The following SORBS2 variants were observed in gnomAD, a reference collection of about 807,000 sequenced individuals.
The protein encoded by SORBS2 is sorbin and SH3 domain containing 2.
SORBS2 carries 46 observed loss-of-function variants against 97.7 expected under a neutral mutation model. The observed-to-expected ratio is 0.47, with a 90% CI of 0.37 to 0.60. The LOEUF is 0.60. SORBS2 is among the 20% of genes least tolerant of loss of function. SORBS2 has a pLI of 0.00. For missense variants in SORBS2, 1,316 were observed against 1,282.3 expected (o/e 1.03, Z -0.40); for synonymous variants, 476 against 473.4 (o/e 1.01, Z -0.07).
At chr4:185,654,154 C>T (rs926078950) in intron 1 of SORBS2, among the ~76,000 whole-genome samples, 1 of 152,156 alleles carries the variant, frequency 6.6e-6, no homozygotes, top group Non-Finnish European at 1.5e-5. Context: ...TCTTCATTCT[C>T]GGCTCTTTCT....
At chr4:185,664,385 A>G (rs574060109) in intron 4 of SORBS2, among the ~76,000 whole-genome samples, 14 of 152,324 alleles carry the variant, frequency 9.2e-5, no homozygotes, top group Admixed American at 7.8e-4. Context: ...GTAAAGTCTT[A>G]AAAACAGAAA....
intron 1 of SORBS2, among the ~76,000 whole-genome samples, chr4:185,839,058 C>T (rs534689432): frequency 1.3e-5 from 2 of 152,290 alleles, no homozygotes; most frequent in South Asian, 4.1e-4. Context: ...CAACACTGCA[C>T]GATGTTATTT....
intron 4 of SORBS2, among the ~76,000 whole-genome samples, chr4:185,667,698 A>ATAT (rs1554139968): frequency 6.8e-5 from 10 of 146,750 alleles, no homozygotes; most frequent in Middle Eastern, 3.6e-3. Flanking sequence ...ATATATATAT[A>ATAT]TATATATACG....
chr4:185,795,676 A>G (rs2099101491), intron 1 of SORBS2, among the ~76,000 whole-genome samples: 1 of 152,184 alleles, frequency 6.6e-6, no homozygotes, highest in Non-Finnish European at 1.5e-5. Flanking sequence ...GTTTCCTTTT[A>G]CTTTTTAAAA....
At chr4:185,609,733 CAG>C (rs1403352040) in intron 12 of SORBS2, among the ~76,000 whole-genome samples, 7 of 152,158 alleles carry the variant, frequency 4.6e-5, no homozygotes, top group African/African-American at 1.7e-4. Flanking sequence ...AATGTGTCAC[CAG>C]AGTGATTTAT....
At chr4:185,901,446 C>T (rs906823880) in intron 1 of SORBS2, among the ~76,000 whole-genome samples, 2 of 152,106 alleles carry the variant, frequency 1.3e-5, no homozygotes, top group African/African-American at 2.4e-5. Flanking sequence ...TCAGGTGATG[C>T]GCCCGCCTCG....
intron 2 of SORBS2, chr4:185,651,812 C>A: frequency 6.7e-7 from 1 of 1,499,136 alleles, no homozygotes; most frequent in Non-Finnish European, 9.3e-7. Flanking sequence ...GAGTATTATA[C>A]ATGTCTGTGT....
intron 1 of SORBS2, among the ~76,000 whole-genome samples, chr4:185,828,895 CA>C (rs2099203567): frequency 6.6e-6 from 1 of 152,174 alleles, no homozygotes; most frequent in Non-Finnish European, 1.5e-5. Context: ...TGTTCTTTTC[CA>C]GAGACTTCTC....
rs144230995 is a variant in SORBS2, at chr4:185,902,569, A to G, written c.-338+53627T>C. 3.3e-5 allele frequency among the ~76,000 whole-genome samples: 5 copies of G among 152,170 alleles called. No homozygotes were observed. The East Asian group carries it at 9.7e-4, about 29-fold the overall frequency. ...TACATGAATCTTTTGATCAGTTGTC[A>G]TCTTGGGAAGACTAACTTCAATAAT... On this transcript the variant is annotated intron_variant, in intron 1 of 20. Transcript: ENST00000284776.
chr4:185,656,934 T>C, exon 1 of SORBS2: 1 of 1,174,604 alleles, frequency 8.5e-7, no homozygotes, highest in South Asian at 2.7e-5. Context: ...ATTAACTCTC[T>C]TCACTCCAAT....
chr4:185,921,690 T>C (rs1323995650), intron 1 of SORBS2, among the ~76,000 whole-genome samples: 1 of 152,164 alleles, frequency 6.6e-6, no homozygotes, highest in African/African-American at 2.4e-5. Flanking sequence ...AAGCAATGGA[T>C]ATTTACTTTT....
chr4:185,749,203 C>G (rs34313608), intron 2 of SORBS2, among the ~76,000 whole-genome samples: 16,170 of 152,122 alleles, frequency 0.11, 1,130 homozygotes, highest in South Asian at 0.18. Flanking sequence ...GGGAGGGAGA[C>G]AGGTGCAGGG....
At chr4:185,815,128 T>TA (rs1178940540) in intron 1 of SORBS2, among the ~76,000 whole-genome samples, 1 of 152,242 alleles carries the variant, frequency 6.6e-6, no homozygotes, top group Non-Finnish European at 1.5e-5. Context: ...TATCTAGTTT[T>TA]AAAATTTTGC....
In SORBS2 at chr4:185,606,330, T is replaced by C; in HGVS notation, c.2796+5450A>G. ...GGAAGATTACAAAGACTATATCAAT[T>C]ACAAAGACTTTTACAATATAAGTTT... is the stretch of plus-strand genomic sequence containing the variant. On this transcript the variant is annotated intron_variant, in intron 12 of 14. Transcript: ENST00000418609. The surrounding 1 kb of genome is among the most constrained non-coding windows in gnomAD (Gnocchi z 4.3). 4.1e-6 allele frequency: 4 copies of C among 971,806 alleles called. No homozygotes were observed. Among genetic ancestry groups the C allele is most frequent in the Non-Finnish European group, 4.9e-6 (4 of 817,608 alleles). 60.2% of individuals were successfully genotyped at this position (971,806 alleles called of 1,614,324 possible). A position where few individuals can be genotyped will look rare whatever the true frequency, so the allele number is the denominator to read the frequency against.
intron 4 of SORBS2, among the ~76,000 whole-genome samples, chr4:185,671,099 G>T (rs1247138772): frequency 6.6e-6 from 1 of 152,126 alleles, no homozygotes; most frequent in Non-Finnish European, 1.5e-5. Context: ...TTTCCCTAAG[G>T]CCTGGCTGTA....
chr4:185,678,924 A>G (rs1189584361), intron 2 of SORBS2, 102 bp from the exon 6 acceptor site: 2 of 604,252 alleles, frequency 3.3e-6, no homozygotes, highest in African/African-American at 1.9e-5. Context: ...TTTTGCAAAC[A>G]TTATTTCAGT....
chr4:185,603,257 A>AG (rs146538242), intron 12 of SORBS2, among the ~76,000 whole-genome samples: 4,131 of 152,266 alleles, frequency 0.027, 172 homozygotes, highest in African/African-American at 0.092. Context: ...TTAAAAAAAA[A>AG]GACAAGAAAT....
chr4:185,819,572 TAGA>T (rs1025873627), intron 1 of SORBS2, among the ~76,000 whole-genome samples: 5 of 152,356 alleles, frequency 3.3e-5, no homozygotes, highest in Non-Finnish European at 7.4e-5. Context: ...AGGGAGTGGA[TAGA>T]CAACAAGCTG....
chr4:185,604,539 C>T (rs533707958), intron 12 of SORBS2, among the ~76,000 whole-genome samples: 54 of 152,220 alleles, frequency 3.5e-4, no homozygotes, highest in African/African-American at 1.1e-3. Flanking sequence ...GCTTAAATAT[C>T]GAGGAAAGAC....
Sources: allele counts gnomAD v4.1 joint callset (sites outside exome capture counted in the v4.1 genomes callset), GRCh38; gene constraint gnomAD v4.1.1; non-coding constraint Gnocchi (gnomAD v3.1); transcripts MANE v1.5; gene names NCBI Gene and HGNC (gene_info 2026-07-23, HGNC 2026-07-21).